The following ADGRV1 variants were observed in gnomAD, a reference collection of about 807,000 sequenced individuals.
ADGRV1 encodes G-protein coupled receptor 98.
A neutral mutation model predicts 596.2 loss-of-function variants in ADGRV1; 359 were observed. That is an observed-to-expected ratio of 0.60 (90% confidence interval 0.55 to 0.66). The LOEUF is 0.66. Ranked by LOEUF, ADGRV1 falls within the 30% of genes least tolerant of loss-of-function variation. The pLI, the probability that ADGRV1 is intolerant of heterozygous loss-of-function variation, is 0.00. For synonymous variants in ADGRV1, 2,681 were observed against 2,679.2 expected (o/e 1.00, Z -0.02); for missense variants, 7,274 against 7,575.6 (o/e 0.96, Z 1.48).
At chr5:90,891,886 G>A (rs1026078234) in intron 83 of ADGRV1, among the ~76,000 whole-genome samples, 3 of 151,948 alleles carry the variant, frequency 2.0e-5, no homozygotes, top group Admixed American at 2.0e-4. Flanking sequence ...AGTTAATATG[G>A]AAACTTTGGT....
chr5:90,848,497 A>G (rs990469206), intron 78 of ADGRV1, 140 bp from the exon 79 acceptor site: 2 of 388,240 alleles, frequency 5.2e-6, no homozygotes, highest in African/African-American at 4.2e-5. Context: ...TTTGATACCA[A>G]TTTCTCTTAA....
At chr5:90,993,446 C>T (rs1471001463) in intron 85 of ADGRV1, among the ~76,000 whole-genome samples, 2 of 152,112 alleles carry the variant, frequency 1.3e-5, no homozygotes, top group Non-Finnish European at 2.9e-5. Flanking sequence ...CGTGAGCCAC[C>T]ATGCTGTGCC....
intron 85 of ADGRV1, among the ~76,000 whole-genome samples, chr5:91,044,426 A>C (rs1466155288): frequency 6.6e-6 from 1 of 152,230 alleles, no homozygotes; most frequent in Non-Finnish European, 1.5e-5. Context: ...GTCAAGAAAA[A>C]GTCACTTTTT....
At chr5:90,861,968 T>G (rs1767625280) in intron 82 of ADGRV1, among the ~76,000 whole-genome samples, 1 of 152,166 alleles carries the variant, frequency 6.6e-6, no homozygotes, top group African/African-American at 2.4e-5. Flanking sequence ...TATGATGCGT[T>G]ATAGTTATAG....
chr5:91,147,785 G>A (rs181699134), intron 87 of ADGRV1, among the ~76,000 whole-genome samples: 60 of 152,274 alleles, frequency 3.9e-4, no homozygotes, highest in Non-Finnish European at 6.5e-4. Flanking sequence ...TGGAAGCGCC[G>A]TTGGAACTAG....
chr5:90,765,465 AC>A (rs1248791891), intron 59 of ADGRV1, among the ~76,000 whole-genome samples: 1 of 148,746 alleles, frequency 6.7e-6, no homozygotes, highest in African/African-American at 2.6e-5. Flanking sequence ...ACACACACAC[AC>A]ACACAAACTC....
At chr5:90,922,499 A>G (rs1447118293) in intron 83 of ADGRV1, among the ~76,000 whole-genome samples, 1 of 152,018 alleles carries the variant, frequency 6.6e-6, no homozygotes, top group Non-Finnish European at 1.5e-5. Context: ...TATGTCGTGT[A>G]TTTTCATAGC....
At chr5:91,101,880 C>T (rs1046511602) in intron 86 of ADGRV1, among the ~76,000 whole-genome samples, 4 of 152,214 alleles carry the variant, frequency 2.6e-5, no homozygotes, top group African/African-American at 4.8e-5. Context: ...GAGCACACTA[C>T]TGCCTGCCAT....
At position 90,696,892 on chromosome 5, in the gene ADGRV1, G is replaced by A. The variant is rs1561546537; in HGVS notation, c.7946-45G>A. ...TGGGCCTTTCTGAGTTCTCTGTGTT[G>A]GTGATTTTGTTACTTTGGTTTTTAT... On this transcript the variant is annotated intron_variant, in intron 33 of 89. Coordinates refer to ENST00000405460, the MANE Select transcript of ADGRV1 (RefSeq NM_032119.4). The A allele has an allele frequency of 2.1e-6, 3 of 1,420,706 alleles. No individual in the cohort carries two copies. In the African/African-American group the frequency reaches 4.2e-5, roughly 20 times the overall value. The allele number at this position is 1,420,706 out of a possible 1,614,324, so 88.0% of individuals were successfully genotyped here. A position where few individuals can be genotyped will look rare whatever the true frequency, so the allele number is the denominator to read the frequency against.
At chr5:90,864,177 C>T (rs938159218) in intron 83 of ADGRV1, among the ~76,000 whole-genome samples, 2 of 151,718 alleles carry the variant, frequency 1.3e-5, no homozygotes, top group African/African-American at 4.8e-5. Context: ...TTTTATTAAT[C>T]TGTTTGAAAT....
intron 83 of ADGRV1, among the ~76,000 whole-genome samples, chr5:90,937,496 C>T (rs1456803892): frequency 6.9e-6 from 1 of 145,634 alleles, no homozygotes. Flanking sequence ...CTAGCTCTGT[C>T]GCCCAGGCTG....
chr5:90,901,680 G>A (rs1459662655), intron 83 of ADGRV1, among the ~76,000 whole-genome samples: 1 of 152,050 alleles, frequency 6.6e-6, no homozygotes, highest in African/African-American at 2.4e-5. Context: ...GTATGACTGT[G>A]ACATATGTAT....
At chr5:90,948,919 G>A (rs968889503) in intron 83 of ADGRV1, among the ~76,000 whole-genome samples, 1 of 151,908 alleles carries the variant, frequency 6.6e-6, no homozygotes, top group African/African-American at 2.4e-5. Context: ...CATAAGTCGG[G>A]GCCGTCTGTG....
chr5:91,062,575 G>A (rs976516804), intron 85 of ADGRV1, among the ~76,000 whole-genome samples: 10 of 152,028 alleles, frequency 6.6e-5, no homozygotes, highest in Admixed American at 3.3e-4. Context: ...TATTAACGTC[G>A]TAGCACACCC....
intron 77 of ADGRV1, among the ~76,000 whole-genome samples, chr5:90,835,275 T>C (rs1181669313): frequency 6.6e-6 from 1 of 152,244 alleles, no homozygotes; most frequent in Non-Finnish European, 1.5e-5. Flanking sequence ...AGCCCAGTAA[T>C]GCTGTTGCTC....
intron 82 of ADGRV1, among the ~76,000 whole-genome samples, chr5:90,857,798 A>G (rs961207379): frequency 6.6e-6 from 1 of 152,170 alleles, no homozygotes; most frequent in African/African-American, 2.4e-5. Context: ...TATCTTACAT[A>G]CATATTCTTT....
At chr5:90,591,406 T>C (rs11738532) in intron 1 of ADGRV1, among the ~76,000 whole-genome samples, 10,739 of 151,966 alleles carry the variant, frequency 0.071, 439 homozygotes, top group Non-Finnish European at 0.093. Flanking sequence ...AAAAAAAATA[T>C]ATATATATAT....
At chr5:90,577,582 A>T (rs1294320714) in intron 1 of ADGRV1, among the ~76,000 whole-genome samples, 2 of 152,104 alleles carry the variant, frequency 1.3e-5, no homozygotes, top group Non-Finnish European at 2.9e-5. Flanking sequence ...TTTGCTTAGG[A>T]TTGTCTTGAC....
At chr5:90,847,170 A>G (rs867606542) in intron 78 of ADGRV1, among the ~76,000 whole-genome samples, 2 of 152,174 alleles carry the variant, frequency 1.3e-5, no homozygotes, top group Non-Finnish European at 2.9e-5. Flanking sequence ...AGCTAGACAC[A>G]GGGTGCTGAT....
Sources: allele counts gnomAD v4.1 joint callset (sites outside exome capture counted in the v4.1 genomes callset), GRCh38; gene constraint gnomAD v4.1.1; transcripts MANE v1.5; gene names NCBI Gene and HGNC (gene_info 2026-07-23, HGNC 2026-07-21).